The following SPMIP11 variants were observed in gnomAD, a reference collection of about 807,000 sequenced individuals.
SPMIP11 encodes the protein long intergenic non-protein coding RNA 935.
At chr12:48,731,418 G>A in the SPMIP11 span, among the ~76,000 whole-genome samples, 1 of 152,008 alleles carries the variant, frequency 6.6e-6, no homozygotes, top group East Asian at 1.9e-4. Flanking sequence ...GTGAACCCGG[G>A]AGGCGGAGCT....
At chr12:48,750,397 A>G in the SPMIP11 span, among the ~76,000 whole-genome samples, 10 of 152,294 alleles carry the variant, frequency 6.6e-5, no homozygotes, top group South Asian at 2.1e-3. Flanking sequence ...TCCATTTACC[A>G]ATGACTCACA....
the SPMIP11 span, among the ~76,000 whole-genome samples, chr12:48,764,074 C>T: frequency 6.6e-6 from 1 of 151,868 alleles, no homozygotes; most frequent in African/African-American, 2.4e-5. Flanking sequence ...CCTCTGCCTC[C>T]TGGGTTCAAG....
the SPMIP11 span, among the ~76,000 whole-genome samples, chr12:48,749,594 C>T: frequency 3.1e-5 from 4 of 127,466 alleles, no homozygotes; most frequent in African/African-American, 6.0e-5. Context: ...AAGATCATGC[C>T]ATTGCACTCC....
At chr12:48,762,816 T>C in the SPMIP11 span, among the ~76,000 whole-genome samples, 2 of 152,210 alleles carry the variant, frequency 1.3e-5, no homozygotes, top group Admixed American at 1.3e-4. Flanking sequence ...TTCAATATAT[T>C]AATATCATGT....
the SPMIP11 span, among the ~76,000 whole-genome samples, chr12:48,742,529 C>T: frequency 1.3e-5 from 2 of 151,934 alleles, no homozygotes; most frequent in Non-Finnish European, 2.9e-5. Context: ...ATCTGCCTAC[C>T]TCAGCCTCCC....
At chr12:48,767,522 T>G in the SPMIP11 span, 1 of 152,720 alleles carries the variant, frequency 6.5e-6, no homozygotes, top group Non-Finnish European at 1.5e-5. Flanking sequence ...AAAACAGATA[T>G]GCACACAAAG....
chr12:48,764,701 G>T, the SPMIP11 span: 3 of 584,822 alleles, frequency 5.1e-6, no homozygotes, highest in South Asian at 6.2e-5. Context: ...AAGTGAAGCA[G>T]GGTGTGGTGA....
chr12:48,770,772 T>C, the SPMIP11 span: 2 of 1,613,804 alleles, frequency 1.2e-6, no homozygotes, highest in Non-Finnish European at 1.7e-6. Context: ...TTACCAATCT[T>C]CATCTGGAAA....
the SPMIP11 span, chr12:48,768,478 T>A: frequency 6.7e-7 from 1 of 1,481,772 alleles, no homozygotes; most frequent in Non-Finnish European, 9.4e-7. Flanking sequence ...TTCCCTTTTG[T>A]GGTTAGCAGG....
chr12:48,768,278 T>G, the SPMIP11 span: 2 of 433,286 alleles, frequency 4.6e-6, no homozygotes, highest in East Asian at 4.7e-5. Context: ...TTTTAATCCC[T>G]CAGGCAAGAG....
chr12:48,759,431 G>A, the SPMIP11 span: 2 of 652,494 alleles, frequency 3.1e-6, no homozygotes, highest in Non-Finnish European at 5.6e-6. Context: ...GCTCATGTCT[G>A]TAATCCTAGC....
chr12:48,736,320 G>C, the SPMIP11 span: 1 of 224,530 alleles, frequency 4.5e-6, no homozygotes, highest in Non-Finnish European at 9.0e-6. Context: ...GCTGAGGTGG[G>C]AGGATTGCTT....
chr12:48,742,743 G>A, the SPMIP11 span, among the ~76,000 whole-genome samples: 3 of 151,820 alleles, frequency 2.0e-5, no homozygotes, highest in South Asian at 4.2e-4. Context: ...AAATTAGCCG[G>A]GCATGGTGGC....
At chr12:48,751,788 C>T in the SPMIP11 span, among the ~76,000 whole-genome samples, 5 of 151,830 alleles carry the variant, frequency 3.3e-5, no homozygotes, top group African/African-American at 7.3e-5. Context: ...GTGGAGAGGC[C>T]GGGTGCGGTG....
the SPMIP11 span, chr12:48,771,108 G>A: frequency 1.2e-6 from 1 of 851,832 alleles, no homozygotes; most frequent in South Asian, 1.7e-5. This position sits in a 1 kb window ranked among gnomAD's most constrained non-coding sequence, Gnocchi z 4.3. Context: ...GCTGCTATCA[G>A]TGTAAGACTG....
the SPMIP11 span, among the ~76,000 whole-genome samples, chr12:48,743,255 G>A: frequency 0.04 from 6,095 of 151,264 alleles, 582 homozygotes; most frequent in East Asian, 0.37. Flanking sequence ...AAAGTCAGGC[G>A]TGGTGGCAGG....
chr12:48,769,948 A>G, the SPMIP11 span, among the ~76,000 whole-genome samples: 7 of 151,578 alleles, frequency 4.6e-5, no homozygotes, highest in African/African-American at 1.5e-4. Flanking sequence ...TTTTTAGTAG[A>G]GACGGAATTT....
chr12:48,747,001 C>A, the SPMIP11 span, among the ~76,000 whole-genome samples: 105 of 152,198 alleles, frequency 6.9e-4, 2 homozygotes, highest in East Asian at 0.019. Context: ...AATAAAGTAG[C>A]AGCTTCCCCT....
the SPMIP11 span, among the ~76,000 whole-genome samples, chr12:48,746,461 G>A: frequency 2.7e-5 from 4 of 148,688 alleles, no homozygotes; most frequent in African/African-American, 7.5e-5. Context: ...CCGCCTCCCA[G>A]GTTCAAGCAA....
Sources: allele counts gnomAD v4.1 joint callset (sites outside exome capture counted in the v4.1 genomes callset), GRCh38; gene constraint gnomAD v4.1.1; non-coding constraint Gnocchi (gnomAD v3.1); transcripts MANE v1.5; gene names NCBI Gene and HGNC (gene_info 2026-07-23, HGNC 2026-07-21).